Variants in PLK2 observed in about 807,000 individuals in gnomAD.
PLK2 encodes polo like kinase 2, also known as serine/threonine-protein kinase PLK2.
PLK2 carries 25 observed loss-of-function variants against 78.1 expected under a neutral mutation model. That is an observed-to-expected ratio of 0.32 (90% CI 0.23 to 0.45). The LOEUF (loss-of-function observed/expected upper bound fraction) is 0.45. PLK2 is among the 20% of genes least tolerant of loss of function. The pLI is 1.00. For synonymous variants in PLK2, 332 were observed against 298.2 expected, an observed-to-expected ratio of 1.11 and a Z score of -1.17; for missense variants, 566 against 840.2, an observed-to-expected ratio of 0.67 and a Z score of 4.04.
rs781673058 is a variant in PLK2, at chr5:58,457,304, T to C, written c.885A>G (p.Ala295=). ...GCAATGAGGACGGCATTGTATACCT[T>C]GCTTCCCTTATGCACCTATAAGTTT... ...LKETYRCIRE[A]RYTMPSSLLA... Residue 295 remains alanine, a synonymous_variant, in exon 7 of 14, where the codon GCA becomes GCG. Coordinates refer to ENST00000274289, the MANE Select transcript of PLK2 (RefSeq NM_006622.4). The C allele has an allele frequency of 6.8e-6, 11 of 1,613,748 alleles. No homozygotes were observed. Among genetic ancestry groups the C allele is most frequent in the Non-Finnish European group, 9.3e-6 (11 of 1,179,654 alleles).
chr5:58,457,403 T>C, intron 6 of PLK2, 24 bp from the exon 7 acceptor site: 1 of 1,591,722 alleles, frequency 6.3e-7, no homozygotes, highest in Non-Finnish European at 8.6e-7. Flanking sequence ...AACACATCTT[T>C]AGCAATGGTC....
chr5:58,458,363 T>G (rs775827342), intron 4 of PLK2, 36 bp downstream of exon 4: 1 of 1,607,222 alleles, frequency 6.2e-7, no homozygotes, highest in Non-Finnish European at 8.5e-7. Context: ...AAAAGAACTC[T>G]AACACAAAAC....
At chr5:58,458,642 G>A in intron 3 of PLK2, 83 bp downstream of exon 3, 1 of 1,270,840 alleles carries the variant, frequency 7.9e-7, no homozygotes. Flanking sequence ...TGCTGCCACA[G>A]CTAAAATCCC....
rs1743546777 is a variant in PLK2, at chr5:58,454,532, A to G, written c.*51T>C. ...TAGATCATTCTTTTGGCTTCCCTGT[A>G]GATCTCACAGTGGAAAAGAGGAGTC... is the stretch of plus-strand genomic sequence containing the variant. On this transcript the variant is annotated 3_prime_UTR_variant, in exon 14 of 14. Coordinates refer to ENST00000274289, the MANE Select transcript of PLK2 (RefSeq NM_006622.4). 1.6e-6 allele frequency: 2 copies of G among 1,238,566 alleles called. No homozygotes were observed. The highest frequency in any genetic ancestry group is 2.3e-6 in the Non-Finnish European group (2 of 866,412). The allele number at this position is 1,238,566 out of a possible 1,614,324, so 76.7% of individuals were successfully genotyped here. A position where few individuals can be genotyped will look rare whatever the true frequency, so the allele number is the denominator to read the frequency against.
At chr5:58,458,585 G>A (rs954164865) in intron 3 of PLK2, 57 bp from the exon 4 acceptor site, 4 of 1,528,222 alleles carry the variant, frequency 2.6e-6, no homozygotes, top group Middle Eastern at 2.0e-4. Flanking sequence ...AAAATCACTG[G>A]TTTCCCTTTG....
intron 9 of PLK2, 83 bp from the exon 10 acceptor site, chr5:58,456,238 G>C: frequency 3.0e-6 from 4 of 1,321,832 alleles, no homozygotes; most frequent in Non-Finnish European, 4.2e-6. Flanking sequence ...ATGAGAGTGA[G>C]GCAATTGCTG....
chr5:58,459,870 C>G lies in PLK2; in HGVS notation c.90G>C (p.Ser30=). 1.2e-6 allele frequency: 2 copies of G among 1,611,534 alleles called. No homozygotes were observed. Among genetic ancestry groups the G allele is most frequent in the Non-Finnish European group, 1.7e-6 (2 of 1,179,774 alleles). Residue 30 remains serine, a synonymous_variant, in exon 1 of 14, where the codon TCG becomes TCC. Coordinates refer to ENST00000274289, the MANE Select transcript of PLK2 (RefSeq NM_006622.4). ...GGGGCTGCGGCGGCCGCTTCTTCTT[C>G]GAGTCCGCTCCGCAACCCTTGCCCA... ...QALGKGCGAD[S]KKKRPPQPPE... is the part of the protein sequence containing the mutation.
rs371097027 is a variant in PLK2 at position 58,458,708 on chromosome 5, T to C, written c.495+17A>G. The C allele has an allele frequency of 2.2e-6, 3 of 1,342,096 alleles. No individual in the cohort carries two copies. The highest frequency in any genetic ancestry group is 1.4e-5 in the African/African-American group (1 of 69,196). 83.1% of individuals were successfully genotyped at this position (1,342,096 alleles called of 1,614,324 possible). A position where few individuals can be genotyped will look rare whatever the true frequency, so the allele number is the denominator to read the frequency against. The stretch of plus-strand genomic sequence containing the variant: ...TTCGGGGTAAGCAAATGTTCTCAAA[T>C]AGGAGTTGACACTTACCCTTCTACT... On this transcript the variant is annotated intron_variant, in intron 3 of 13. Transcript: ENST00000274289.
In PLK2 at chr5:58,458,836, G is replaced by C; in HGVS notation, c.384C>G (p.Asp128Glu). 1 of 1,581,872 alleles carries C rather than the reference G, an allele frequency of 6.3e-7. No individual in the cohort carries two copies. The highest frequency in any genetic ancestry group is 8.7e-7 in the Non-Finnish European group (1 of 1,151,148). ...GAATTCTGTGAAGCTCTATTTCTTT[G>C]TCAATCTAAATGAAAAAGCAAGGTA... ...VAKPHQREKIDKEIELHRILH... is the reference protein window; with the variant it reads ...VAKPHQREKIEKEIELHRILH... The change falls in exon 3 of 14, where the codon GAC becomes GAG. Residue 128 changes from aspartate to glutamate, a missense_variant. Physicochemically the swap from Asp to Glu is conservative, Grantham distance 45. Transcript: ENST00000274289.
intron 4 of PLK2, 58 bp downstream of exon 4, chr5:58,458,341 A>AG: frequency 6.3e-7 from 1 of 1,578,124 alleles, no homozygotes; most frequent in Non-Finnish European, 8.7e-7. Context: ...GTAAAAAAAA[A>AG]CAGAGAGAGA....
At chr5:58,459,515 C>T in intron 1 of PLK2, 175 bp downstream of exon 1, 1 of 604,846 alleles carries the variant, frequency 1.7e-6, no homozygotes, top group Non-Finnish European at 2.9e-6. Flanking sequence ...AGCCGATCCC[C>T]AGCGCTGCCG....
chr5:58,456,775 A>C (rs979517300), intron 8 of PLK2, 170 bp downstream of exon 8: 11 of 628,696 alleles, frequency 1.7e-5, no homozygotes, highest in Non-Finnish European at 3.0e-5. Flanking sequence ...GCAAAATAAA[A>C]AGCTATCAAT....
chr5:58,457,627 T>C lies in PLK2; in HGVS notation c.714-44A>G, dbSNP rs1743644566. 4 of 1,164,040 alleles carry C rather than the reference T, an allele frequency of 3.4e-6. No homozygotes were observed. The East Asian group carries it at 9.3e-5, about 27-fold the overall frequency. 72.1% of individuals were successfully genotyped at this position (1,164,040 alleles called of 1,614,324 possible). A position where few individuals can be genotyped will look rare whatever the true frequency, so the allele number is the denominator to read the frequency against. ...GAGATCGTGTTAGGAACTATTCCAC[T>C]ACTTAAACTTGGTTCTCTTGACATG... On this transcript the variant is annotated intron_variant, in intron 5 of 13. Coordinates refer to ENST00000274289, the MANE Select transcript of PLK2 (RefSeq NM_006622.4).
In PLK2 at chr5:58,455,733, C is replaced by A. The variant is rs761919836; in HGVS notation, c.1431G>T (p.Arg477Ser). The change falls in exon 11 of 14, where the codon AGG (arginine) becomes AGT (serine). Residue 477 changes from arginine to serine, a missense_variant. Coordinates refer to ENST00000274289, the MANE Select transcript of PLK2 (RefSeq NM_006622.4). ...TGTTTTCCAGACATCCCCGAAGAAC[C>A]CTTGCCACTGTGTCTGCAACACTTC... ...TMGSVADTVA[R>S]VLRGCLENMP... is the part of the protein sequence containing the mutation. The A allele has an allele frequency of 6.2e-7, 1 of 1,614,068 alleles. No homozygotes were observed. Among genetic ancestry groups the A allele is most frequent in the Non-Finnish European group, 8.5e-7 (1 of 1,180,000 alleles).
Position 58,460,020 on chromosome 5 carries a change from C to A in PLK2, c.-61G>T. 2.0e-6 allele frequency: 3 copies of A among 1,523,380 alleles called. No individual in the cohort carries two copies. The highest frequency in any genetic ancestry group is 2.6e-6 in the Non-Finnish European group (3 of 1,136,778). The allele number at this position is 1,523,380 out of a possible 1,614,324, so 94.4% of individuals were successfully genotyped here. ...CCCTAGGCGCGGTCACACGTCCGAG[C>A]CGGCCGTGGTCCTCGCACCCTTGCC... On this transcript the variant is annotated 5_prime_UTR_variant, in exon 1 of 14. Coordinates refer to ENST00000274289, the MANE Select transcript of PLK2 (RefSeq NM_006622.4).
At chr5:58,455,235 C>T (rs779047046) in intron 12 of PLK2, 50 bp downstream of exon 12, 2 of 1,600,068 alleles carry the variant, frequency 1.2e-6, no homozygotes, top group Admixed American at 1.7e-5. Context: ...GACACTACTG[C>T]TTTGTGGCCT....
rs755620907 is a variant in PLK2 at position 58,458,373 on chromosome 5, C to T, written c.625+26G>A. ...GAGAAAAAAGAACTCTAACACAAAA[C>T]TCAGCTTTTGGCGTCAATGACTTAC... On this transcript the variant is annotated intron_variant, in intron 4 of 13. Transcript: ENST00000274289. The T allele has an allele frequency of 3.7e-6, 6 of 1,611,354 alleles. No homozygotes were observed. In the South Asian group the frequency reaches 4.4e-5, roughly 12 times the overall value.
At position 58,456,472 on chromosome 5, in the gene PLK2, T is replaced by C; in HGVS notation, c.1254+20A>G. On this transcript the variant is annotated intron_variant, in intron 9 of 13. Transcript: ENST00000274289. ...AATAACGTAAAGCGTGAGTATCTAC[T>C]TTACTCTTTCCCAACACACCTCATC... The C allele has an allele frequency of 1.4e-6, 2 of 1,460,684 alleles. No homozygotes were observed. The highest frequency in any genetic ancestry group is 1.9e-6 in the Non-Finnish European group (2 of 1,045,514). 90.5% of individuals were successfully genotyped at this position (1,460,684 alleles called of 1,614,324 possible).
intron 1 of PLK2, 169 bp downstream of exon 1, chr5:58,459,521 T>C (rs1205256677): frequency 1.3e-5 from 8 of 609,790 alleles, no homozygotes; most frequent in Non-Finnish European, 2.3e-5. Context: ...TCCCCAGCGC[T>C]GCCGGCGCAC....
Sources: gnomAD v4.1 joint callset for allele counts on GRCh38, gnomAD v4.1.1 for gene constraint, MANE v1.5 for transcripts, NCBI Gene and HGNC (gene_info 2026-07-23, HGNC 2026-07-21) for gene names.